The following CBFA2T3 variants were observed in gnomAD, a reference collection of about 807,000 sequenced individuals.
CBFA2T3 encodes CBFA2/RUNX1 partner transcriptional co-repressor 3.
Under a neutral mutation model 58.6 loss-of-function variants are expected in CBFA2T3, and 31 were observed. The observed-to-expected ratio is 0.53, with a 90% CI of 0.40 to 0.71. CBFA2T3 has a LOEUF of 0.71. CBFA2T3 is among the 30% of genes least tolerant of loss of function. The probability of loss-of-function intolerance (pLI) is 0.00; values close to 1 mark genes in which losing one functional copy is unlikely to be tolerated. For synonymous variants in CBFA2T3, 531 were observed against 421.9 expected (o/e 1.26, Z -3.17); for missense variants, 1,076 against 963.1 (o/e 1.12, Z -1.55).
rs2142639335 is a variant in CBFA2T3 at position 88,901,552 on chromosome 16, C to T, written c.256G>A (p.Ala86Thr). Residue 86 changes from alanine (A) to threonine (T), a missense_variant, in exon 2 of 12, where the codon GCC (alanine) becomes ACC (threonine). Ala to Thr is a moderately conservative substitution (Grantham distance 58, BLOSUM62 0). Coordinates refer to ENST00000268679, the MANE Select transcript of CBFA2T3 (RefSeq NM_005187.6). ...TPPSMPPPPP[A>T]ASQGATRPPS... ...GGGCGTGTGGCCCCCTGGGATGCGGCAGGCGGTGGGGGCGGCATGCTGGGG... is the reference window on the plus strand; with the variant it reads ...GGGCGTGTGGCCCCCTGGGATGCGGTAGGCGGTGGGGGCGGCATGCTGGGG... 1 of 1,478,814 alleles carries T rather than the reference C, an allele frequency of 6.8e-7. No individual in the cohort carries two copies. The highest frequency in any genetic ancestry group is 8.9e-7 in the Non-Finnish European group (1 of 1,118,958). The allele number at this position is 1,478,814 out of a possible 1,614,324, so 91.6% of individuals were successfully genotyped here. A position where few individuals can be genotyped will look rare whatever the true frequency, so the allele number is the denominator to read the frequency against.
chr16:88,880,932 T>TCTG (rs143865358), intron 9 of CBFA2T3, 144 bp from the exon 10 acceptor site: 11,212 of 779,616 alleles, frequency 0.014, 117 homozygotes, highest in East Asian at 0.026. Context: ...TCGGACAAGG[T>TCTG]CTGGCTCAGG....
chr16:88,976,546 G>C (rs533837509), intron 1 of CBFA2T3, 111 bp downstream of exon 1: 5 of 784,256 alleles, frequency 6.4e-6, no homozygotes. Context: ...CATCCGTGCC[G>C]GCACTGTCAA....
At chr16:88,952,150 A>G (rs1293990593) in intron 1 of CBFA2T3, among the ~76,000 whole-genome samples, 1 of 152,030 alleles carries the variant, frequency 6.6e-6, no homozygotes, top group Non-Finnish European at 1.5e-5. Context: ...TACTATGCAG[A>G]GACAGAGAGA....
intron 1 of CBFA2T3, among the ~76,000 whole-genome samples, chr16:88,907,679 C>T (rs935477377): frequency 8.5e-5 from 13 of 152,332 alleles, no homozygotes; most frequent in Non-Finnish European, 1.2e-4. Flanking sequence ...CTGGGAACCC[C>T]GAGGGGAGGC....
intron 1 of CBFA2T3, among the ~76,000 whole-genome samples, chr16:88,913,312 C>T (rs1470308060): frequency 1.3e-5 from 2 of 152,252 alleles, no homozygotes; most frequent in Non-Finnish European, 2.9e-5. Flanking sequence ...ACGGACCAGC[C>T]AGCAAACCCA....
At chr16:88,898,894 G>A (rs1297439272) in intron 2 of CBFA2T3, among the ~76,000 whole-genome samples, 3 of 152,220 alleles carry the variant, frequency 2.0e-5, no homozygotes, top group Non-Finnish European at 4.4e-5. Context: ...GAATTTGTTC[G>A]AGCTGAAGTC....
chr16:88,972,307 G>A (rs1482778893), intron 1 of CBFA2T3, among the ~76,000 whole-genome samples: 1 of 152,194 alleles, frequency 6.6e-6, no homozygotes, highest in African/African-American at 2.4e-5. Context: ...CCTGCTCTGT[G>A]CCAGTGGAGC....
rs1211538321 is a variant in CBFA2T3, at chr16:88,958,515, A to G, written c.151+18142T>C. On this transcript the variant is annotated intron_variant, in intron 1 of 11. Transcript: ENST00000268679. The surrounding 1 kb of genome is among the most constrained non-coding windows in gnomAD (Gnocchi z 4.0). ...CCGGTGCAGCGCTCGTGAGTGCCCC[A>G]CATCCCTGGGCATCACACGCGTGTC... 6.6e-6 allele frequency among the ~76,000 whole-genome samples: 1 copy of G among 152,154 alleles called. No individual in the cohort carries two copies. The highest frequency in any genetic ancestry group is 2.4e-5 in the African/African-American group (1 of 41,432).
In CBFA2T3 at chr16:88,876,485, GA is replaced by G. The variant is rs1193685093; in HGVS notation, c.*490del. On this transcript the variant is annotated 3_prime_UTR_variant, in exon 12 of 12. Transcript: ENST00000268679. Reference sequence around the variant, plus strand: ...CCCCCCGTTTTCTTTGTCCATTTCTGAGTAGCTCTTTTGCCAACACACAAAA... The same window carrying G: ...CCCCCCGTTTTCTTTGTCCATTTCTGGTAGCTCTTTTGCCAACACACAAAA... 2 of 231,246 alleles carry G rather than the reference GA, an allele frequency of 8.6e-6. No individual in the cohort carries two copies. The highest frequency in any genetic ancestry group is 1.7e-5 in the Non-Finnish European group (2 of 117,042). 14.3% of individuals were successfully genotyped at this position (231,246 alleles called of 1,614,324 possible).
chr16:88,893,773 C>G (rs958828878), intron 3 of CBFA2T3, among the ~76,000 whole-genome samples: 5 of 152,226 alleles, frequency 3.3e-5, no homozygotes, highest in African/African-American at 1.2e-4. Context: ...GGCCGGGCCT[C>G]ACCCCTTTTC....
intron 5 of CBFA2T3, 141 bp downstream of exon 5, chr16:88,891,741 C>A (rs1377816304): frequency 6.2e-6 from 4 of 646,706 alleles, no homozygotes; most frequent in Non-Finnish European, 1.1e-5. Flanking sequence ...AAGATCGATG[C>A]CTCACACCTC....
rs576849052 is a variant in CBFA2T3, at chr16:88,879,838, G to C, written c.1472-378C>G. The C allele has an allele frequency of 1.3e-4, 28 of 212,594 alleles. 1 individual carries two copies. In the South Asian group the frequency reaches 3.8e-3, roughly 29 times the overall value. The allele number at this position is 212,594 out of a possible 1,614,324, so 13.2% of individuals were successfully genotyped here. ...CGAGGCCCACCCCAGGGCCTGGTCA[G>C]CCAGGGGCGCACCCGGAATCTGCAT... is the stretch of plus-strand genomic sequence containing the variant. On this transcript the variant is annotated intron_variant, in intron 10 of 11. Transcript: ENST00000268679.
rs527797742 is a variant in CBFA2T3 at position 88,976,697 on chromosome 16, G to A, written c.111C>T (p.Ala37=). ...TGGGACCCCGGGGTGCGGAGCAGCC[G>A]GCAGATGCCAGGAGGCCGCTCTCCA... ...PVLESGLLAS[A]GCSAPRGPRK... The change falls in exon 1 of 12, where the codon GCC becomes GCT. Residue 37 remains alanine, a synonymous_variant. Transcript: ENST00000268679. 2.5e-5 allele frequency: 39 copies of A among 1,561,446 alleles called. No individual in the cohort carries two copies. Among genetic ancestry groups the A allele is most frequent in the African/African-American group, 1.1e-4 (8 of 73,696 alleles).
At chr16:88,895,859 C>T (rs765078143) in intron 3 of CBFA2T3, among the ~76,000 whole-genome samples, 3 of 152,192 alleles carry the variant, frequency 2.0e-5, no homozygotes, top group Admixed American at 6.5e-5. Flanking sequence ...CAGGCCCAGA[C>T]GTGCCCTGTG....
chr16:88,930,677 G>A (rs1971265226), intron 1 of CBFA2T3, among the ~76,000 whole-genome samples: 1 of 141,478 alleles, frequency 7.1e-6, no homozygotes, highest in Non-Finnish European at 1.5e-5. Flanking sequence ...AGGGCTGGGG[G>A]TGGAGGAGCG....
intron 1 of CBFA2T3, among the ~76,000 whole-genome samples, chr16:88,966,147 GCTCTGCTCTGAGGGTCA>G (rs1555545658): frequency 1.3e-5 from 2 of 152,194 alleles, no homozygotes; most frequent in Non-Finnish European, 2.9e-5. Flanking sequence ...TGTGTGGGTC[GCTCTGCTCTGAGGGTCA>G]CTCTGCTCAC....
At position 88,874,944 on chromosome 16, in the gene CBFA2T3, A is replaced by G. The variant is rs1243394734; in HGVS notation, c.*2032T>C. On this transcript the variant is annotated 3_prime_UTR_variant, in exon 12 of 12. Transcript: ENST00000268679. ...ACCTCTGCAAAGACTATATACATTC[A>G]CATTAACGTACACGCTCAGCTTCAG... 4.3e-6 allele frequency: 1 copy of G among 233,126 alleles called. No individual in the cohort carries two copies. Among genetic ancestry groups the G allele is most frequent in the Non-Finnish European group, 8.5e-6 (1 of 117,748 alleles). 14.4% of individuals were successfully genotyped at this position (233,126 alleles called of 1,614,324 possible). A position where few individuals can be genotyped will look rare whatever the true frequency, so the allele number is the denominator to read the frequency against.
chr16:88,895,688 G>A (rs925375735), intron 3 of CBFA2T3, among the ~76,000 whole-genome samples: 5 of 152,308 alleles, frequency 3.3e-5, no homozygotes, highest in African/African-American at 1.2e-4. Flanking sequence ...TCCAGCCTGG[G>A]CCTCACAGAT....
At chr16:88,976,044 G>A (rs964647038) in intron 1 of CBFA2T3, among the ~76,000 whole-genome samples, 7 of 152,334 alleles carry the variant, frequency 4.6e-5, no homozygotes, top group South Asian at 4.1e-4. Flanking sequence ...TCGCAGGCTC[G>A]GGTGGGGGGT....
Sources: allele counts gnomAD v4.1 joint callset (sites outside exome capture counted in the v4.1 genomes callset), GRCh38; gene constraint gnomAD v4.1.1; non-coding constraint Gnocchi (gnomAD v3.1); transcripts MANE v1.5; gene names NCBI Gene and HGNC (gene_info 2026-07-23, HGNC 2026-07-21).